Variants in NAA11 observed in about 807,000 individuals in gnomAD.
NAA11 encodes the protein N-alpha-acetyltransferase 11.
A neutral mutation model predicts 16.1 loss-of-function variants in NAA11; 15 were observed. That is an observed-to-expected ratio of 0.93 (90% CI 0.62 to 1.44). NAA11 has a LOEUF of 1.44. Ranked by LOEUF, NAA11 falls within the 40% of genes most tolerant of loss-of-function variation. NAA11 has a pLI of 0.00. For missense variants in NAA11, 298 were observed against 291.3 expected, an observed-to-expected ratio of 1.02 and a Z score of -0.17; for synonymous variants, 122 against 112.4, an observed-to-expected ratio of 1.09 and a Z score of -0.54.
chr4:79,216,837 T>C, the NAA11 span, among the ~76,000 whole-genome samples: 1 of 152,228 alleles, frequency 6.6e-6, no homozygotes, highest in African/African-American at 2.4e-5. Flanking sequence ...CCAGTATTGA[T>C]GGAATAAAAA....
At chr4:79,171,318 C>G in the NAA11 span, among the ~76,000 whole-genome samples, 1 of 152,124 alleles carries the variant, frequency 6.6e-6, no homozygotes, top group Non-Finnish European at 1.5e-5. Flanking sequence ...GAGTTTGGCC[C>G]TCTTTTCTCT....
chr4:79,192,389 C>A, the NAA11 span, among the ~76,000 whole-genome samples: 4 of 122,778 alleles, frequency 3.3e-5, no homozygotes, highest in African/African-American at 1.3e-4. Flanking sequence ...TCCCCCCACC[C>A]CACAACAGGC....
the NAA11 span, among the ~76,000 whole-genome samples, chr4:79,205,163 T>C: frequency 1.4e-4 from 21 of 152,128 alleles, no homozygotes; most frequent in Admixed American, 1.3e-3. Context: ...AGGTGATTTA[T>C]TTTCCTTTAA....
chr4:79,319,663 T>C (rs577022845), intron 1 of NAA11, among the ~76,000 whole-genome samples: 62 of 152,340 alleles, frequency 4.1e-4, no homozygotes, highest in African/African-American at 1.4e-3. Context: ...TTAGAGATTA[T>C]AAATAATTCA....
chr4:79,288,462 G>A (rs552361324), intron 2 of NAA11, among the ~76,000 whole-genome samples: 17 of 152,250 alleles, frequency 1.1e-4, no homozygotes, highest in Admixed American at 1.0e-3. Flanking sequence ...CTTAAATACA[G>A]CTTTAAATTG....
At chr4:79,207,238 G>A in the NAA11 span, among the ~76,000 whole-genome samples, 1 of 152,006 alleles carries the variant, frequency 6.6e-6, no homozygotes, top group South Asian at 2.1e-4. Flanking sequence ...GTACTATGTT[G>A]AATAGAAGTG....
intron 1 of NAA11, among the ~76,000 whole-genome samples, chr4:79,307,505 G>A (rs1389822332): frequency 6.6e-6 from 1 of 151,996 alleles, no homozygotes; most frequent in Non-Finnish European, 1.5e-5. Context: ...ATGATTATTA[G>A]AAGATCAAAA....
At chr4:79,252,448 T>C (rs1722017132) in intron 2 of NAA11, among the ~76,000 whole-genome samples, 1 of 152,068 alleles carries the variant, frequency 6.6e-6, no homozygotes, top group Non-Finnish European at 1.5e-5. Context: ...CCCATTCTCA[T>C]AGGACATACA....
the NAA11 span, among the ~76,000 whole-genome samples, chr4:79,181,020 G>C: frequency 6.6e-6 from 1 of 151,906 alleles, no homozygotes; most frequent in Non-Finnish European, 1.5e-5. Flanking sequence ...CATAGGTGGC[G>C]ACTGAACAAT....
At chr4:79,258,935 A>G in intron 2 of NAA11, 1 of 217,526 alleles carries the variant, frequency 4.6e-6, no homozygotes, top group South Asian at 5.9e-5. Flanking sequence ...TGCTGAGAGC[A>G]GCAGACATCA....
Position 79,318,024 on chromosome 4 carries a change from T to C in NAA11, c.*13-233A>G, listed in dbSNP as rs1431087281. 5.1e-4 allele frequency among the ~76,000 whole-genome samples: 77 copies of C among 152,158 alleles called. 1 individual carries two copies. Among genetic ancestry groups the C allele is most frequent in the Non-Finnish European group, 2.9e-5 (2 of 68,026 alleles). ...TCCCTGCCATAAGAACACATGAACC[T>C]TTCCTGACATCTAAAGGACATTTCT... On this transcript the variant is annotated intron_variant, in intron 1 of 1. Coordinates refer to ENST00000286794, the MANE Select transcript of NAA11 (RefSeq NM_032693.3).
the NAA11 span, among the ~76,000 whole-genome samples, chr4:79,156,140 G>T: frequency 6.6e-6 from 1 of 151,982 alleles, no homozygotes. Context: ...TTTGTAGTAA[G>T]ACCTACATAT....
intron 1 of NAA11, among the ~76,000 whole-genome samples, chr4:79,299,749 T>C (rs748309789): frequency 1.2e-4 from 19 of 152,310 alleles, no homozygotes; most frequent in Non-Finnish European, 2.1e-4. Context: ...GGAAGCAACT[T>C]TGTCAATATT....
chr4:79,273,024 A>G (rs537744629), intron 2 of NAA11, among the ~76,000 whole-genome samples: 150 of 152,048 alleles, frequency 9.9e-4, no homozygotes, highest in African/African-American at 3.3e-3. Flanking sequence ...GGCTTCCCTC[A>G]AAGAGAGAGT....
At chr4:79,315,507 T>C (rs1723901451), downstream of NAA11, among the ~76,000 whole-genome samples, 1 of 152,186 alleles carries the variant, frequency 6.6e-6, no homozygotes, top group African/African-American at 2.4e-5. Context: ...AGCTGATCAA[T>C]ATCTTTAAAT....
the NAA11 span, among the ~76,000 whole-genome samples, chr4:79,181,144 G>A: frequency 6.6e-6 from 1 of 151,702 alleles, no homozygotes; most frequent in South Asian, 2.1e-4. Flanking sequence ...CGAGTTAATG[G>A]GTGCAGCACA....
intron 2 of NAA11, among the ~76,000 whole-genome samples, chr4:79,256,832 T>C (rs894160597): frequency 6.6e-6 from 1 of 151,510 alleles, no homozygotes; most frequent in Non-Finnish European, 1.5e-5. Context: ...TTTATATTTT[T>C]TGTTAGAGAC....
intron 1 of NAA11, among the ~76,000 whole-genome samples, chr4:79,320,789 A>AT (rs199551270): frequency 5.9e-5 from 9 of 151,960 alleles, no homozygotes; most frequent in Non-Finnish European, 1.3e-4. Context: ...AATGAAAAAT[A>AT]TTTTTTTTAG....
At position 79,229,069 on chromosome 4, in the gene NAA11, A is replaced by G. The variant is rs149455852; in HGVS notation, c.*123-2799T>C. ...TTCGTAGTGCAGAAGTTTTTTTTAC[A>G]AAGTCCAATATAGCAACATTTTCTT... is the stretch of plus-strand genomic sequence containing the variant. On this transcript the variant is annotated intron_variant and NMD_transcript_variant, in intron 2 of 2. Transcript: ENST00000511542. Among the ~76,000 whole-genome samples the G allele has an allele frequency of 2.1e-3, 313 of 152,046 alleles. 1 individual carries two copies. The highest frequency in any genetic ancestry group is 3.1e-3 in the Admixed American group (47 of 15,238).
Sources: allele counts gnomAD v4.1 joint callset (sites outside exome capture counted in the v4.1 genomes callset), GRCh38; gene constraint gnomAD v4.1.1; transcripts MANE v1.5; gene names NCBI Gene and HGNC (gene_info 2026-07-23, HGNC 2026-07-21).